Variants in B3GALT1 observed in about 807,000 individuals in gnomAD.
B3GALT1 encodes beta-1,3-galactosyltransferase 1.
A neutral mutation model predicts 23.2 loss-of-function variants in B3GALT1; 10 were observed. The observed-to-expected ratio is 0.43, with a 90% CI of 0.27 to 0.73. The LOEUF (loss-of-function observed/expected upper bound fraction) is 0.73. Ranked by LOEUF, B3GALT1 falls within the 30% of genes least tolerant of loss-of-function variation. The pLI, the probability that B3GALT1 is intolerant of heterozygous loss-of-function variation, is 0.21. For synonymous variants in B3GALT1, 156 were observed against 141.5 expected, an observed-to-expected ratio of 1.10 and a Z score of -0.73; for missense variants, 299 against 405.4, an observed-to-expected ratio of 0.74 and a Z score of 2.25.
At chr2:167,663,412 A>G (rs1382944641) in intron 3 of B3GALT1, among the ~76,000 whole-genome samples, 1 of 151,936 alleles carries the variant, frequency 6.6e-6, no homozygotes, top group African/African-American at 2.4e-5. Context: ...ATAATGCCGC[A>G]ATAAACATAC....
chr2:167,449,613 G>A (rs898388876), intron 1 of B3GALT1, among the ~76,000 whole-genome samples: 3 of 152,102 alleles, frequency 2.0e-5, no homozygotes, highest in African/African-American at 7.2e-5. Flanking sequence ...GCTCTGGCTA[G>A]GATTTCCAGT....
chr2:167,492,217 A>G (rs940649144), intron 2 of B3GALT1, among the ~76,000 whole-genome samples: 1 of 152,186 alleles, frequency 6.6e-6, no homozygotes, highest in Non-Finnish European at 1.5e-5. Context: ...AATGACATAT[A>G]GTTGGAATAA....
intron 3 of B3GALT1, among the ~76,000 whole-genome samples, chr2:167,732,444 A>C (rs992548009): frequency 2.6e-5 from 4 of 152,222 alleles, no homozygotes; most frequent in Non-Finnish European, 4.4e-5. Flanking sequence ...GGCCAGAATT[A>C]AGTCCTGGTG....
chr2:167,859,935 GATA>G (rs1559005804), intron 4 of B3GALT1, among the ~76,000 whole-genome samples: 1 of 152,172 alleles, frequency 6.6e-6, no homozygotes, highest in Admixed American at 6.5e-5. Flanking sequence ...GATTTGGAGA[GATA>G]ATAAGTTAGC....
intron 2 of B3GALT1, among the ~76,000 whole-genome samples, chr2:167,500,090 C>G (rs1699830972): frequency 6.6e-6 from 1 of 151,958 alleles, no homozygotes; most frequent in African/African-American, 2.4e-5. Flanking sequence ...CTGAATTTTT[C>G]TGAGAAAAAC....
intron 1 of B3GALT1, among the ~76,000 whole-genome samples, chr2:167,426,820 G>A (rs1443274468): frequency 3.3e-5 from 5 of 152,190 alleles, no homozygotes; most frequent in African/African-American, 1.2e-4. Context: ...GCATTATCAA[G>A]TTAAGTTGAA....
chr2:167,848,403 G>A (rs926964020), intron 4 of B3GALT1, among the ~76,000 whole-genome samples: 1 of 152,166 alleles, frequency 6.6e-6, no homozygotes, highest in Non-Finnish European at 1.5e-5. Context: ...CCATGATCAA[G>A]TGGGTTTCAT....
At chr2:167,512,536 ATATATATATG>A (rs67927245) in intron 2 of B3GALT1, among the ~76,000 whole-genome samples, 7,718 of 98,358 alleles carry the variant, frequency 0.078, 948 homozygotes, top group East Asian at 0.19. Flanking sequence ...GTGTGTGTGT[ATATATATATG>A]TATATATATG....
At chr2:167,428,771 T>G (rs1372158643) in intron 1 of B3GALT1, among the ~76,000 whole-genome samples, 2 of 152,114 alleles carry the variant, frequency 1.3e-5, no homozygotes, top group Admixed American at 6.5e-5. Context: ...GTTGTTTGAG[T>G]TTCATGGCTG....
chr2:167,659,113 G>A (rs1441239168), intron 3 of B3GALT1, among the ~76,000 whole-genome samples: 2 of 151,996 alleles, frequency 1.3e-5, no homozygotes, highest in Non-Finnish European at 2.9e-5. Context: ...GAACTTGACT[G>A]CAATTTGGAA....
intron 4 of B3GALT1, among the ~76,000 whole-genome samples, chr2:167,867,152 T>G (rs1376285245): frequency 1.3e-5 from 2 of 152,172 alleles, no homozygotes; most frequent in Non-Finnish European, 2.9e-5. Context: ...GGTCTCGATC[T>G]CCTGACCTCG....
At chr2:167,360,445 C>T (rs543606252) in intron 1 of B3GALT1, among the ~76,000 whole-genome samples, 38 of 152,196 alleles carry the variant, frequency 2.5e-4, no homozygotes, top group African/African-American at 8.9e-4. Flanking sequence ...TCAGTAGGAG[C>T]GATCTGCATC....
At chr2:167,658,474 A>C (rs1685995405) in intron 3 of B3GALT1, among the ~76,000 whole-genome samples, 1 of 152,112 alleles carries the variant, frequency 6.6e-6, no homozygotes, top group Non-Finnish European at 1.5e-5. Context: ...CTTCATCATA[A>C]TAACAAAAGA....
At chr2:167,797,607 T>C (rs1328059436) in intron 3 of B3GALT1, among the ~76,000 whole-genome samples, 1 of 152,192 alleles carries the variant, frequency 6.6e-6, no homozygotes, top group Non-Finnish European at 1.5e-5. Context: ...AGTGTAAAAG[T>C]GTTCCTTTTT....
chr2:167,865,598 T>A (rs1390855987), intron 4 of B3GALT1, among the ~76,000 whole-genome samples: 1 of 152,100 alleles, frequency 6.6e-6, no homozygotes, highest in Non-Finnish European at 1.5e-5. Flanking sequence ...GAGACCCTCC[T>A]GGCTAACACC....
chr2:167,789,876 T>C (rs1237360864), intron 3 of B3GALT1, among the ~76,000 whole-genome samples: 3 of 151,968 alleles, frequency 2.0e-5, no homozygotes, highest in Non-Finnish European at 4.4e-5. Context: ...CTTGGAACAG[T>C]GTCTTCAAAT....
At chr2:167,413,296 T>C (rs190897336) in intron 1 of B3GALT1, among the ~76,000 whole-genome samples, 225 of 152,226 alleles carry the variant, frequency 1.5e-3, no homozygotes, top group Middle Eastern at 3.4e-3. Context: ...GTTTTGTAAA[T>C]GTTTATGTGT....
intron 2 of B3GALT1, among the ~76,000 whole-genome samples, chr2:167,582,258 C>CA (rs1363966966): frequency 1.5e-4 from 23 of 151,122 alleles, no homozygotes; most frequent in South Asian, 1.3e-3. Flanking sequence ...CACCCTGAAG[C>CA]AAAAAAAAAT....
intron 1 of B3GALT1, among the ~76,000 whole-genome samples, chr2:167,309,965 T>C (rs933404971): frequency 6.6e-6 from 1 of 152,072 alleles, no homozygotes; most frequent in Non-Finnish European, 1.5e-5. Context: ...CAATGTCATG[T>C]ACATACCACA....
Sources: gnomAD v4.1 joint callset for allele counts (sites outside exome capture counted in the v4.1 genomes callset) on GRCh38, gnomAD v4.1.1 for gene constraint, MANE v1.5 for transcripts, NCBI Gene and HGNC (gene_info 2026-07-23, HGNC 2026-07-21) for gene names.